The following C4orf51 variants were observed in gnomAD, a reference collection of about 807,000 sequenced individuals.
C4orf51 encodes the protein chromosome 4 open reading frame 51.
C4orf51 carries 25 observed loss-of-function variants against 25.2 expected under a neutral mutation model. The observed-to-expected ratio is 0.99, with a 90% CI of 0.72 to 1.39. The LOEUF is 1.39. Among genes scored for constraint, C4orf51 ranks in the 40% most tolerant of loss-of-function variants. C4orf51 has a pLI of 0.00. For missense variants in C4orf51, 252 were observed against 239.6 expected, an observed-to-expected ratio of 1.05 and a Z score of -0.34; for synonymous variants, 100 against 84.5, an observed-to-expected ratio of 1.18 and a Z score of -1.01.
At chr4:145,771,514 G>A (rs1410051126), downstream of C4orf51, among the ~76,000 whole-genome samples, 59 of 152,196 alleles carry the variant, frequency 3.9e-4, no homozygotes, top group Non-Finnish European at 4.4e-5. Context: ...AGAAATTGCA[G>A]CAAAATTTGC....
Position 145,763,143 on chromosome 4 carries a change from T to C in C4orf51, n.167-7845T>C. The C allele has an allele frequency of 6.5e-7, 1 of 1,535,636 alleles. No individual in the cohort carries two copies. The highest frequency in any genetic ancestry group is 1.2e-5 in the South Asian group (1 of 84,020). On this transcript the variant is annotated intron_variant and non_coding_transcript_variant, in intron 1 of 1. Coordinates refer to the C4orf51 transcript ENST00000510096. This position sits in a 1 kb window ranked among gnomAD's most constrained non-coding sequence, Gnocchi z 4.6. ...CTGAGCTACGGCAAAAGAAAAATAA[T>C]AGTATAATCTTATTTGATCTGCATT... is the stretch of plus-strand genomic sequence containing the variant.
chr4:145,746,629 T>G (rs1168445786), intron 1 of C4orf51, among the ~76,000 whole-genome samples: 1 of 152,218 alleles, frequency 6.6e-6, no homozygotes, highest in Admixed American at 6.5e-5. Context: ...TGTAGTGTAA[T>G]TTGAAGTCAC....
At chr4:145,686,201 C>T (rs1407131784) in intron 1 of C4orf51, among the ~76,000 whole-genome samples, 1 of 152,038 alleles carries the variant, frequency 6.6e-6, no homozygotes, top group Non-Finnish European at 1.5e-5. Context: ...CTAGGCTAGG[C>T]AAATCATACA....
chr4:145,767,173 A>G (rs1396634866), intron 1 of C4orf51, among the ~76,000 whole-genome samples: 1 of 152,228 alleles, frequency 6.6e-6, no homozygotes, highest in African/African-American at 2.4e-5. Flanking sequence ...ACTGTATTTC[A>G]TATGTTCAAG....
At chr4:145,770,837 T>C (rs1245485718) in intron 1 of C4orf51, among the ~76,000 whole-genome samples, 1 of 152,200 alleles carries the variant, frequency 6.6e-6, no homozygotes, top group Non-Finnish European at 1.5e-5. Flanking sequence ...GATTACTGGG[T>C]CACAGGGCAT....
At chr4:145,707,218 C>T (rs946959987) in intron 2 of C4orf51, among the ~76,000 whole-genome samples, 1 of 152,290 alleles carries the variant, frequency 6.6e-6, no homozygotes, top group Non-Finnish European at 1.5e-5. Context: ...GGATTACAGG[C>T]GTGAGCCACC....
Position 145,761,627 on chromosome 4 carries a change from T to TCAGCCGGGAAGGTTCGGAGG in C4orf51, n.167-9354_167-9335dup. 1 of 1,217,512 alleles carries TCAGCCGGGAAGGTTCGGAGG rather than the reference T, an allele frequency of 8.2e-7. No individual in the cohort carries two copies. The highest frequency in any genetic ancestry group is 1.4e-5 in the South Asian group (1 of 71,262). The allele number at this position is 1,217,512 out of a possible 1,614,324, so 75.4% of individuals were successfully genotyped here. On this transcript the variant is annotated intron_variant and non_coding_transcript_variant, in intron 1 of 1. Transcript: ENST00000510096. This position sits in a 1 kb window ranked among gnomAD's most constrained non-coding sequence, Gnocchi z 6.8. ...CCGGGGAAAGCAACGCAAGGGAGGT[T>TCAGCCGGGAAGGTTCGGAGG]CAGCCGGGAAGGTTCGGAGGCAGCC...
chr4:145,693,639 G>C (rs1411916874), intron 1 of C4orf51, among the ~76,000 whole-genome samples: 1 of 117,778 alleles, frequency 8.5e-6, no homozygotes, highest in Non-Finnish European at 1.8e-5. Flanking sequence ...CCTCCCGGAC[G>C]GGGCGGCTGG....
At chr4:145,703,038 A>C (rs1446028411) in intron 2 of C4orf51, among the ~76,000 whole-genome samples, 1 of 151,356 alleles carries the variant, frequency 6.6e-6, no homozygotes, top group Non-Finnish European at 1.5e-5. Context: ...TTTTCTTATT[A>C]ATATAAGAAG....
chr4:145,789,990 C>A, the C4orf51 span, among the ~76,000 whole-genome samples: 3 of 152,208 alleles, frequency 2.0e-5, no homozygotes, highest in East Asian at 3.8e-4. Context: ...TATGAAAAAT[C>A]TGAGCACCAA....
intron 1 of C4orf51, among the ~76,000 whole-genome samples, chr4:145,747,600 G>C (rs1385694993): frequency 1.3e-5 from 2 of 151,924 alleles, no homozygotes; most frequent in Non-Finnish European, 2.9e-5. Context: ...AATTCAGTTT[G>C]CTAGTGTTTT....
chr4:145,772,114 T>C (rs902473343), downstream of C4orf51, among the ~76,000 whole-genome samples: 1 of 152,220 alleles, frequency 6.6e-6, no homozygotes, highest in East Asian at 1.9e-4. Context: ...ACTAGGACTC[T>C]AAGGTTCAAG....
In C4orf51 at chr4:145,709,154, G is replaced by A. The variant is rs1054431624; in HGVS notation, c.307+12522G>A. ...AGTAGTAACCTCCAGAGAACTTGGG[G>A]CTTGGAGTAAGAACTCACAAATGGC... On this transcript the variant is annotated intron_variant, in intron 2 of 5. Transcript: ENST00000438731. 2.0e-5 allele frequency among the ~76,000 whole-genome samples: 3 copies of A among 152,170 alleles called. No homozygotes were observed. The South Asian group carries it at 6.2e-4, about 32-fold the overall frequency.
rs1035256094 is a variant in C4orf51, at chr4:145,707,795, A to G, written c.307+11163A>G. ...TGCTCAGAGAAGGAGATTAGCACAGAGTAGGCAGCTCCTGAACCCAAAAGG... is the reference window on the plus strand; with the variant it reads ...TGCTCAGAGAAGGAGATTAGCACAGGGTAGGCAGCTCCTGAACCCAAAAGG... On this transcript the variant is annotated intron_variant, in intron 2 of 5. Transcript: ENST00000438731. Among the ~76,000 whole-genome samples the G allele has an allele frequency of 3.9e-5, 6 of 152,320 alleles. No individual in the cohort carries two copies. In the South Asian group the frequency reaches 1.2e-3, roughly 32 times the overall value.
chr4:145,755,827 T>C (rs1322690203), downstream of C4orf51, among the ~76,000 whole-genome samples: 1 of 152,248 alleles, frequency 6.6e-6, no homozygotes, highest in Non-Finnish European at 1.5e-5. Flanking sequence ...TGGAGTATCT[T>C]GAATATCTGT....
At chr4:145,707,894 G>T (rs1383986851) in intron 2 of C4orf51, among the ~76,000 whole-genome samples, 2 of 152,210 alleles carry the variant, frequency 1.3e-5, no homozygotes, top group African/African-American at 4.8e-5. Context: ...GTCTGATTTG[G>T]AAGCCAGTCA....
At chr4:145,708,216 T>C (rs1560836980) in intron 2 of C4orf51, among the ~76,000 whole-genome samples, 1 of 152,218 alleles carries the variant, frequency 6.6e-6, no homozygotes, top group Non-Finnish European at 1.5e-5. Context: ...CTTATTCTGC[T>C]CTTAGTTATG....
chr4:145,743,307 A>G (rs2126797434), intron 1 of C4orf51, among the ~76,000 whole-genome samples: 1 of 152,292 alleles, frequency 6.6e-6, no homozygotes, highest in South Asian at 2.1e-4. Flanking sequence ...AAAGGTGGGA[A>G]AGTCTAAGAT....
intron 2 of C4orf51, among the ~76,000 whole-genome samples, chr4:145,714,862 A>G (rs1187463186): frequency 6.6e-6 from 1 of 152,200 alleles, no homozygotes; most frequent in East Asian, 1.9e-4. Flanking sequence ...GGCCTTTTCT[A>G]TGGATGCGCC....
Sources: gnomAD v4.1 joint callset for allele counts (sites outside exome capture counted in the v4.1 genomes callset) on GRCh38, gnomAD v4.1.1 for gene constraint, Gnocchi (gnomAD v3.1) non-coding constraint, MANE v1.5 for transcripts, NCBI Gene and HGNC (gene_info 2026-07-23, HGNC 2026-07-21) for gene names.